Variants in SLC5A10 observed in about 807,000 individuals in gnomAD.
SLC5A10 encodes solute carrier family 5 member 10.
A neutral mutation model predicts 68.9 loss-of-function variants in SLC5A10; 55 were observed. The observed-to-expected ratio is 0.80, with a 90% CI of 0.64 to 1.00. The LOEUF is 1.00. Among genes scored for constraint, SLC5A10 ranks in the 50% least tolerant of loss-of-function variants. The probability of loss-of-function intolerance (pLI) is 0.00; values close to 1 mark genes in which losing one functional copy is unlikely to be tolerated. For synonymous variants in SLC5A10, 344 were observed against 344.8 expected, an observed-to-expected ratio of 1.00 and a Z score of 0.02; for missense variants, 732 against 819.3, an observed-to-expected ratio of 0.89 and a Z score of 1.30.
Position 18,959,141 on chromosome 17 carries a change from G to A in SLC5A10, c.190G>A (p.Ala64Thr), listed in dbSNP as rs2042563256. The change falls in exon 3 of 15, where the codon GCC (alanine) becomes ACC (threonine). Residue 64 changes from alanine to threonine, a missense_variant. Coordinates refer to ENST00000395645, the MANE Select transcript of SLC5A10 (RefSeq NM_001042450.4). ...GRDMTWWPIG[A>T]SLFASSEGSG... ...TTCCCTTTCTCTCCTCCAGATTGGA[G>A]CCTCCCTCTTCGCCAGCAGCGAGGG... is the stretch of plus-strand genomic sequence containing the variant. The A allele has an allele frequency of 6.2e-7, 1 of 1,609,838 alleles. No individual in the cohort carries two copies. The highest frequency in any genetic ancestry group is 8.5e-7 in the Non-Finnish European group (1 of 1,176,760).
At chr17:18,987,078 G>T (rs566369188) in intron 9 of SLC5A10, among the ~76,000 whole-genome samples, 3 of 152,188 alleles carry the variant, frequency 2.0e-5, no homozygotes, top group African/African-American at 7.2e-5. Context: ...GGGGTTGGAG[G>T]GGGTGGGCGC....
chr17:18,954,456 G>T (rs1181467305), intron 1 of SLC5A10, among the ~76,000 whole-genome samples: 1 of 152,212 alleles, frequency 6.6e-6, no homozygotes, highest in African/African-American at 2.4e-5. Context: ...TAGGAGTTCT[G>T]CCCTGTCCCT....
upstream of SLC5A10, chr17:18,950,807 C>T (rs778133838): frequency 2.8e-5 from 14 of 502,904 alleles, no homozygotes; most frequent in Non-Finnish European, 3.6e-5. Context: ...TCTCTACCTC[C>T]TGAGTTCAAG....
Position 19,003,498 on chromosome 17 carries a change from A to C in SLC5A10, c.983-9912A>C. The C allele has an allele frequency of 1.3e-6, 2 of 1,514,948 alleles. No individual in the cohort carries two copies. Among genetic ancestry groups the C allele is most frequent in the Non-Finnish European group, 8.8e-7 (1 of 1,131,112 alleles). The allele number at this position is 1,514,948 out of a possible 1,614,324, so 93.8% of individuals were successfully genotyped here. Reference sequence around the variant, plus strand: ...CGGTGGCTGGTTGGGCCATGGCTCCAGGAGTCCCCGCGCTGCCTCACCTTC... The same window carrying C: ...CGGTGGCTGGTTGGGCCATGGCTCCCGGAGTCCCCGCGCTGCCTCACCTTC... On this transcript the variant is annotated intron_variant, in intron 9 of 14. Transcript: ENST00000395645. The surrounding 1 kb of genome is among the most constrained non-coding windows in gnomAD (Gnocchi z 4.5).
intron 1 of SLC5A10, among the ~76,000 whole-genome samples, chr17:18,955,230 T>A (rs897936762): frequency 2.0e-5 from 3 of 151,894 alleles, no homozygotes; most frequent in African/African-American, 4.8e-5. Flanking sequence ...TCAGCCTCCA[T>A]CCATGTGTAG....
chr17:18,999,928 C>T (rs2043685298), intron 9 of SLC5A10, among the ~76,000 whole-genome samples: 1 of 152,212 alleles, frequency 6.6e-6, no homozygotes, highest in Non-Finnish European at 1.5e-5. Context: ...TGCTAAGGCC[C>T]CCCTGCTGTG....
chr17:18,971,224 T>A lies in SLC5A10; in HGVS notation c.846+6T>A. 1 of 1,613,624 alleles carries A rather than the reference T, an allele frequency of 6.2e-7. No homozygotes were observed. Among genetic ancestry groups the A allele is most frequent in the South Asian group, 1.1e-5 (1 of 91,080 alleles). ...GGTACTGGTGCACCGACCAGGTGAG[T>A]GCCAACGTCTCCCGCCCATCCCACC... On this transcript the variant is annotated splice_donor_region_variant and intron_variant, in intron 8 of 14. Transcript: ENST00000395645. This position sits in a 1 kb window ranked among gnomAD's most constrained non-coding sequence, Gnocchi z 5.5.
intron 9 of SLC5A10, among the ~76,000 whole-genome samples, chr17:19,008,501 A>ATT (rs201812786): frequency 8.3e-4 from 118 of 141,650 alleles, no homozygotes; most frequent in Middle Eastern, 3.6e-3. Context: ...AGCCTCACAG[A>ATT]TTTTTTTTTT....
intron 9 of SLC5A10, among the ~76,000 whole-genome samples, chr17:18,994,402 G>C (rs1432287651): frequency 6.6e-6 from 1 of 152,186 alleles, no homozygotes; most frequent in Non-Finnish European, 1.5e-5. Flanking sequence ...GAGTGTAGCA[G>C]CTAGGATTTG....
At chr17:18,988,319 G>A (rs988276035) in intron 9 of SLC5A10, 14 of 1,614,098 alleles carry the variant, frequency 8.7e-6, no homozygotes, top group African/African-American at 8.0e-5. Context: ...TCTCATCCAC[G>A]ATGATGTACA....
At chr17:18,978,168 G>T (rs2152009248) in intron 9 of SLC5A10, 1 of 1,537,128 alleles carries the variant, frequency 6.5e-7, no homozygotes, top group East Asian at 2.3e-5. Context: ...GGGGGCAATG[G>T]CTCAGGGTCC....
intron 9 of SLC5A10, among the ~76,000 whole-genome samples, chr17:18,990,713 A>C (rs1490842425): frequency 6.6e-6 from 1 of 152,220 alleles, no homozygotes; most frequent in Non-Finnish European, 1.5e-5. Context: ...GGCTCTCCCC[A>C]GGCATTGGGT....
Position 19,017,486 on chromosome 17 carries a change from A to G in SLC5A10, c.1242-1937A>G. 1 of 1,221,354 alleles carries G rather than the reference A, an allele frequency of 8.2e-7. No individual in the cohort carries two copies. The highest frequency in any genetic ancestry group is 1.2e-6 in the Non-Finnish European group (1 of 852,168). 75.7% of individuals were successfully genotyped at this position (1,221,354 alleles called of 1,614,324 possible). A position where few individuals can be genotyped will look rare whatever the true frequency, so the allele number is the denominator to read the frequency against. ...AGCCCAGAGGCCTGGAGAGGAGGCC[A>G]TCGCAGGGCCGGGTGCAGTACCATG... On this transcript the variant is annotated intron_variant, in intron 11 of 14. Transcript: ENST00000395645. This position sits in a 1 kb window ranked among gnomAD's most constrained non-coding sequence, Gnocchi z 5.6.
chr17:19,005,664 C>A (rs1302078775), intron 9 of SLC5A10, among the ~76,000 whole-genome samples: 2 of 147,856 alleles, frequency 1.4e-5, no homozygotes, highest in African/African-American at 5.1e-5. Flanking sequence ...CCCTCCAAGG[C>A]CTTCTCCACC....
intron 9 of SLC5A10, among the ~76,000 whole-genome samples, chr17:19,012,775 C>G (rs941482417): frequency 1.3e-5 from 2 of 152,190 alleles, no homozygotes; most frequent in Non-Finnish European, 2.9e-5. Context: ...CAGGAAATAG[C>G]CTGGCGTAAA....
intron 5 of SLC5A10, among the ~76,000 whole-genome samples, chr17:18,963,592 TC>T (rs1390173396): frequency 1.3e-5 from 2 of 152,150 alleles, no homozygotes; most frequent in African/African-American, 4.8e-5. Flanking sequence ...GCCCAGGCGG[TC>T]CCCAGAGGCC....
At chr17:19,019,363 G>A in intron 11 of SLC5A10, 60 bp from the exon 12 acceptor site, 1 of 1,560,574 alleles carries the variant, frequency 6.4e-7, no homozygotes, top group Non-Finnish European at 8.6e-7. Flanking sequence ...ACCAGGGGAG[G>A]TGGGAGAGAG....
intron 9 of SLC5A10, among the ~76,000 whole-genome samples, chr17:18,997,417 C>G (rs2043595959): frequency 1.3e-5 from 2 of 152,276 alleles, no homozygotes; most frequent in Non-Finnish European, 1.5e-5. Flanking sequence ...ATCCTCAGAG[C>G]TTCCAGGCTT....
At chr17:18,980,365 G>A (rs1418468885) in intron 9 of SLC5A10, among the ~76,000 whole-genome samples, 1 of 152,076 alleles carries the variant, frequency 6.6e-6, no homozygotes, top group Non-Finnish European at 1.5e-5. Context: ...TTTGGCCCAG[G>A]AGCAGGCCAG....
Sources: allele counts gnomAD v4.1 joint callset (sites outside exome capture counted in the v4.1 genomes callset), GRCh38; gene constraint gnomAD v4.1.1; non-coding constraint Gnocchi (gnomAD v3.1); transcripts MANE v1.5; gene names NCBI Gene and HGNC (gene_info 2026-07-23, HGNC 2026-07-21).